Variants in KDM4C observed in about 807,000 individuals in gnomAD.
KDM4C encodes lysine demethylase 4C, also known as lysine-specific demethylase 4C.
A neutral mutation model predicts 129.3 loss-of-function variants in KDM4C; 81 were observed. The ratio of observed to expected loss-of-function variants is 0.63; its 90% CI spans 0.52 to 0.75. KDM4C has a LOEUF of 0.75. Ranked by LOEUF, KDM4C falls within the 30% of genes least tolerant of loss-of-function variation. The pLI, the probability that KDM4C is intolerant of heterozygous loss-of-function variation, is 0.00. For synonymous variants in KDM4C, 573 were observed against 456.1 expected (o/e 1.26, Z -3.26); for missense variants, 1,457 against 1,304.0 (o/e 1.12, Z -1.81).
intron 5 of KDM4C, among the ~76,000 whole-genome samples, chr9:6,863,544 C>G (rs558607933): frequency 4.6e-5 from 7 of 152,126 alleles, no homozygotes; most frequent in Admixed American, 4.6e-4. Context: ...CGGCTGTAAT[C>G]CCAGCACTTT....
Position 7,076,116 on chromosome 9 carries a change from C to T in KDM4C, c.2424+26916C>T, listed in dbSNP as rs192339821. 2.2e-3 allele frequency among the ~76,000 whole-genome samples: 335 copies of T among 152,236 alleles called. 2 individuals are homozygous for T. Among genetic ancestry groups the T allele is most frequent in the African/African-American group, 7.7e-3 (320 of 41,572 alleles). Reference sequence around the variant, plus strand: ...ACACTACTGTATATATTTGGTATTTCAGTCTCTTCTTTGCCAGGCCCAGTT... The same window carrying T: ...ACACTACTGTATATATTTGGTATTTTAGTCTCTTCTTTGCCAGGCCCAGTT... On this transcript the variant is annotated intron_variant, in intron 17 of 21. Coordinates refer to ENST00000381309, the MANE Select transcript of KDM4C (RefSeq NM_015061.6).
chr9:6,945,061 C>T (rs886111358), intron 8 of KDM4C, among the ~76,000 whole-genome samples: 1 of 151,900 alleles, frequency 6.6e-6, no homozygotes, highest in African/African-American at 2.4e-5. Flanking sequence ...TATGTGATCT[C>T]CTTCTCACTC....
chr9:7,019,241 C>CA (rs997617155), intron 15 of KDM4C, among the ~76,000 whole-genome samples: 11 of 152,144 alleles, frequency 7.2e-5, no homozygotes, highest in African/African-American at 2.7e-4. Context: ...TTTGTGGCTG[C>CA]AATGATTGCA....
chr9:6,830,252 C>CA (rs1401401125), intron 4 of KDM4C, among the ~76,000 whole-genome samples: 1 of 152,152 alleles, frequency 6.6e-6, no homozygotes, highest in Non-Finnish European at 1.5e-5. Flanking sequence ...GATATATCTC[C>CA]AAGATTTTGG....
intron 6 of KDM4C, among the ~76,000 whole-genome samples, chr9:6,881,097 G>T (rs1249588868): frequency 6.6e-6 from 1 of 152,132 alleles, no homozygotes; most frequent in South Asian, 2.1e-4. Flanking sequence ...AAAGAATTTT[G>T]TTCCTGCCTT....
At chr9:7,152,241 T>C (rs1216780759) in intron 19 of KDM4C, among the ~76,000 whole-genome samples, 2 of 152,240 alleles carry the variant, frequency 1.3e-5, no homozygotes, top group Non-Finnish European at 2.9e-5. Flanking sequence ...TGATAACAAA[T>C]ATACAATAGC....
chr9:6,838,717 G>A (rs199558511), intron 4 of KDM4C, among the ~76,000 whole-genome samples: 1 of 118,554 alleles, frequency 8.4e-6, no homozygotes, highest in Non-Finnish European at 1.8e-5. Flanking sequence ...AAATGCAAAA[G>A]GGAAAATAGT....
chr9:7,017,703 G>A (rs1403166284), intron 15 of KDM4C, among the ~76,000 whole-genome samples: 1 of 152,140 alleles, frequency 6.6e-6, no homozygotes, highest in Non-Finnish European at 1.5e-5. Flanking sequence ...TGCTCAGCTC[G>A]ATGATTTCAG....
At position 7,149,117 on chromosome 9, in the gene KDM4C, C is replaced by G. The variant is rs60385577; in HGVS notation, c.2782-16121C>G. Among the ~76,000 whole-genome samples, 1,147 of 152,344 alleles carry G rather than the reference C, an allele frequency of 7.5e-3. 10 individuals carry two copies. Among genetic ancestry groups the G allele is most frequent in the African/African-American group, 0.026 (1,086 of 41,578 alleles). On this transcript the variant is annotated intron_variant, in intron 19 of 21. Coordinates refer to ENST00000381309, the MANE Select transcript of KDM4C (RefSeq NM_015061.6). Reference sequence around the variant, plus strand: ...GGGGCACTTGCATGCCCATGCCGAGCCGCCCTCAGGCCCCTTGGCCTCACT... The same window carrying G: ...GGGGCACTTGCATGCCCATGCCGAGGCGCCCTCAGGCCCCTTGGCCTCACT...
chr9:7,048,951 C>T (rs1829784368), intron 16 of KDM4C, 141 bp from the exon 17 acceptor site: 3 of 538,614 alleles, frequency 5.6e-6, no homozygotes, highest in Non-Finnish European at 1.0e-5. Flanking sequence ...GTTTACAGTT[C>T]AGAATCTGTT....
intron 15 of KDM4C, among the ~76,000 whole-genome samples, chr9:7,021,731 A>C (rs1379398475): frequency 6.6e-6 from 1 of 152,156 alleles, no homozygotes; most frequent in African/African-American, 2.4e-5. Flanking sequence ...ATTTTTGCCC[A>C]GACCAGTATT....
intron 1 of KDM4C, among the ~76,000 whole-genome samples, chr9:6,760,470 A>G (rs1179945020): frequency 1.6e-5 from 2 of 125,754 alleles, no homozygotes; most frequent in Non-Finnish European, 3.3e-5. Context: ...TATATAATGT[A>G]ATTGCTAGGT....
At chr9:6,795,985 G>T (rs929720262) in intron 2 of KDM4C, among the ~76,000 whole-genome samples, 1 of 152,148 alleles carries the variant, frequency 6.6e-6, no homozygotes, top group Admixed American at 6.5e-5. Flanking sequence ...TCCTAGAAAA[G>T]TTTTAAAATT....
At chr9:7,128,039 C>T in intron 18 of KDM4C, 27 bp from the exon 19 acceptor site, 4 of 1,415,370 alleles carry the variant, frequency 2.8e-6, no homozygotes, top group South Asian at 1.8e-5. Flanking sequence ...TACTTCTTTT[C>T]TTCCTTTTTT....
intron 15 of KDM4C, among the ~76,000 whole-genome samples, chr9:7,022,940 G>A (rs192799018): frequency 2.0e-5 from 3 of 152,276 alleles, no homozygotes; most frequent in Admixed American, 2.0e-4. Context: ...ATGATATGAT[G>A]TATCACATTG....
At chr9:6,734,033 A>G (rs1817440125) in intron 1 of KDM4C, among the ~76,000 whole-genome samples, 3 of 152,088 alleles carry the variant, frequency 2.0e-5, no homozygotes, top group South Asian at 4.2e-4. Flanking sequence ...CTGACCTCCT[A>G]TGTCATCCTG....
chr9:6,805,361 C>G (rs1379843711), intron 2 of KDM4C, among the ~76,000 whole-genome samples: 1 of 152,042 alleles, frequency 6.6e-6, no homozygotes, highest in Non-Finnish European at 1.5e-5. Context: ...GTTAATAGTA[C>G]CTACTCAAAA....
intron 18 of KDM4C, among the ~76,000 whole-genome samples, chr9:7,122,238 G>GCC (rs1287330644): frequency 1.3e-5 from 1 of 76,754 alleles, no homozygotes. Context: ...AGTGGGAGAT[G>GCC]CCACACACAC....
intron 21 of KDM4C, chr9:7,170,548 C>T: frequency 1.0e-6 from 1 of 964,282 alleles, no homozygotes; most frequent in Non-Finnish European, 1.2e-6. Flanking sequence ...ATATAATTCA[C>T]AATAATTTAG....
Sources: gnomAD v4.1 joint callset for allele counts (sites outside exome capture counted in the v4.1 genomes callset) on GRCh38, gnomAD v4.1.1 for gene constraint, MANE v1.5 for transcripts, NCBI Gene and HGNC (gene_info 2026-07-23, HGNC 2026-07-21) for gene names.